Variants in GPC6 observed in about 807,000 individuals in gnomAD.
GPC6 encodes the protein glypican-6.
Under a neutral mutation model 55.2 loss-of-function variants are expected in GPC6, and 14 were observed. The observed-to-expected ratio is 0.25, with a 90% CI of 0.17 to 0.40. The LOEUF (loss-of-function observed/expected upper bound fraction) is 0.40. Ranked by LOEUF, GPC6 falls within the 10% of genes least tolerant of loss-of-function variation. The probability of loss-of-function intolerance (pLI) is 1.00; values close to 1 mark genes in which losing one functional copy is unlikely to be tolerated. For synonymous variants in GPC6, 278 were observed against 259.6 expected (o/e 1.07, Z -0.68); for missense variants, 641 against 708.5 (o/e 0.90, Z 1.08).
intron 6 of GPC6, among the ~76,000 whole-genome samples, chr13:94,363,900 C>T (rs879540045): frequency 6.6e-6 from 1 of 152,166 alleles, no homozygotes; most frequent in Non-Finnish European, 1.5e-5. Context: ...GCTTTAAAGA[C>T]TTAGTACCAG....
At chr13:94,178,274 G>C (rs1181076113) in intron 4 of GPC6, among the ~76,000 whole-genome samples, 1 of 152,126 alleles carries the variant, frequency 6.6e-6, no homozygotes, top group Non-Finnish European at 1.5e-5. Context: ...TGGGATTACA[G>C]GCATGAGCCA....
At chr13:93,217,409 A>T in the GPC6 span, among the ~76,000 whole-genome samples, 1 of 152,188 alleles carries the variant, frequency 6.6e-6, no homozygotes, top group African/African-American at 2.4e-5. Context: ...AGTCTAAAGT[A>T]TTTTTTATGT....
In GPC6 at chr13:94,306,070, T is replaced by C; in HGVS notation, c.1099T>C (p.Tyr367His). 6.2e-7 allele frequency: 1 copy of C among 1,614,166 alleles called. No individual in the cohort carries two copies. The highest frequency in any genetic ancestry group is 8.5e-7 in the Non-Finnish European group (1 of 1,179,988). The change falls in exon 6 of 9, where the codon TAC becomes CAC. Residue 367 changes from tyrosine (Y) to histidine (H), a missense_variant. Coordinates refer to ENST00000377047, the MANE Select transcript of GPC6 (RefSeq NM_005708.5). The stretch of plus-strand genomic sequence containing the variant: ...AAATTTTAATACACGTTTCAGGCCC[T>C]ACAATCCTGAGGAAAGACCAACAAC... ...PENFNTRFRPYNPEERPTTAA... is the reference protein window; with the variant it reads ...PENFNTRFRPHNPEERPTTAA...
chr13:94,057,482 T>C (rs1042127815), intron 4 of GPC6, among the ~76,000 whole-genome samples: 1 of 152,160 alleles, frequency 6.6e-6, no homozygotes, highest in Non-Finnish European at 1.5e-5. Flanking sequence ...ATTTCATTAG[T>C]TTGTTTAAAA....
intron 1 of GPC6, among the ~76,000 whole-genome samples, chr13:93,314,620 A>G (rs1879179503): frequency 6.6e-6 from 1 of 152,066 alleles, no homozygotes; most frequent in South Asian, 2.1e-4. Context: ...ATCAACAGCA[A>G]ATAAAGTTGC....
chr13:93,434,190 A>C (rs992589865), intron 1 of GPC6, among the ~76,000 whole-genome samples: 1 of 152,156 alleles, frequency 6.6e-6, no homozygotes, highest in African/African-American at 2.4e-5. Context: ...GTTCTCACAG[A>C]GTCATGGCCC....
chr13:93,218,341 T>G, the GPC6 span, among the ~76,000 whole-genome samples: 1 of 152,116 alleles, frequency 6.6e-6, no homozygotes, highest in African/African-American at 2.4e-5. Flanking sequence ...ACAATAGAAT[T>G]CTCTGTGGCT....
At chr13:93,776,964 C>T (rs1223009347) in intron 2 of GPC6, among the ~76,000 whole-genome samples, 9 of 152,124 alleles carry the variant, frequency 5.9e-5, no homozygotes, top group African/African-American at 1.9e-4. Context: ...CCTTGCCCAT[C>T]GACCAACCCC....
chr13:93,941,896 A>C (rs949859825), intron 3 of GPC6, among the ~76,000 whole-genome samples: 1 of 152,168 alleles, frequency 6.6e-6, no homozygotes, highest in African/African-American at 2.4e-5. Flanking sequence ...AATATACGTA[A>C]CTTTCCTATG....
rs143900300 is a variant in GPC6, at chr13:94,004,896, C to T, written c.712-22833C>T. On this transcript the variant is annotated intron_variant, in intron 3 of 8. Coordinates refer to ENST00000377047, the MANE Select transcript of GPC6 (RefSeq NM_005708.5). ...TCTCAACATGGTGAAACACCGTCTC[C>T]ACTAAAAATACAAAAATTAGCTGGG... is the stretch of plus-strand genomic sequence containing the variant. Among the ~76,000 whole-genome samples the T allele has an allele frequency of 2.5e-3, 376 of 151,998 alleles. 1 individual carries two copies. The highest frequency in any genetic ancestry group is 8.7e-3 in the African/African-American group (362 of 41,468).
intron 1 of GPC6, among the ~76,000 whole-genome samples, chr13:93,315,088 G>A (rs1879203508): frequency 6.6e-6 from 1 of 151,820 alleles, no homozygotes; most frequent in Non-Finnish European, 1.5e-5. Context: ...TGGATGAGAA[G>A]GAGGGAGGGG....
intron 4 of GPC6, among the ~76,000 whole-genome samples, chr13:94,039,129 C>T (rs1236257201): frequency 2.0e-5 from 3 of 151,898 alleles, no homozygotes; most frequent in East Asian, 3.9e-4. Flanking sequence ...AGAAAACCAG[C>T]GCAGCTGAAA....
intron 1 of GPC6, among the ~76,000 whole-genome samples, chr13:93,313,631 T>G (rs1253840889): frequency 6.6e-6 from 1 of 152,158 alleles, no homozygotes; most frequent in East Asian, 1.9e-4. Flanking sequence ...CTATACATTT[T>G]CCATCATATA....
intron 3 of GPC6, among the ~76,000 whole-genome samples, chr13:93,942,954 G>A (rs1208088268): frequency 6.6e-6 from 1 of 152,068 alleles, no homozygotes; most frequent in Admixed American, 6.5e-5. Context: ...TGTCCAAGGT[G>A]CACAAATATC....
chr13:94,123,968 T>G (rs747971056), intron 4 of GPC6, among the ~76,000 whole-genome samples: 23 of 152,026 alleles, frequency 1.5e-4, no homozygotes, highest in Non-Finnish European at 2.9e-4. Flanking sequence ...AATAGAACAC[T>G]GCTATAAAAT....
chr13:94,029,175 G>T (rs1883018745), intron 4 of GPC6, among the ~76,000 whole-genome samples: 1 of 150,904 alleles, frequency 6.6e-6, no homozygotes, highest in Admixed American at 6.6e-5. Flanking sequence ...ACAGGCCTCA[G>T]CTCTGATAAT....
intron 1 of GPC6, among the ~76,000 whole-genome samples, chr13:93,520,698 G>C (rs2813604): frequency 0.94 from 143,178 of 151,992 alleles, 68,020 homozygotes; most frequent in East Asian, 1. Context: ...ATGGAGTATA[G>C]ATAAAGTAGA....
intron 1 of GPC6, among the ~76,000 whole-genome samples, chr13:93,355,235 G>A (rs183458575): frequency 2.6e-5 from 4 of 152,254 alleles, no homozygotes; most frequent in African/African-American, 7.2e-5. Flanking sequence ...AGCATTTTCG[G>A]GGGATAAATA....
intron 4 of GPC6, among the ~76,000 whole-genome samples, chr13:94,128,211 T>C (rs894973862): frequency 1.3e-5 from 2 of 152,170 alleles, no homozygotes; most frequent in Non-Finnish European, 2.9e-5. Flanking sequence ...GTAACACTCA[T>C]CATCTTTTGG....
Sources: allele counts gnomAD v4.1 joint callset (sites outside exome capture counted in the v4.1 genomes callset), GRCh38; gene constraint gnomAD v4.1.1; transcripts MANE v1.5; gene names NCBI Gene and HGNC (gene_info 2026-07-23, HGNC 2026-07-21).